Variants in TMX1 observed in about 807,000 individuals in gnomAD.
The protein encoded by TMX1 is thioredoxin related transmembrane protein 1.
Under a neutral mutation model 36.6 loss-of-function variants are expected in TMX1, and 25 were observed. The observed-to-expected ratio is 0.68, with a 90% CI of 0.50 to 0.95. The LOEUF (loss-of-function observed/expected upper bound fraction) is 0.95, where lower values mean the gene tolerates loss of function less well. Ranked by LOEUF, TMX1 falls within the 40% of genes least tolerant of loss-of-function variation. TMX1 has a pLI of 0.00. For missense variants in TMX1, 347 were observed against 339.6 expected (o/e 1.02, Z -0.17); for synonymous variants, 133 against 118.0 (o/e 1.13, Z -0.82).
At chr14:51,241,362 T>G (rs2065760001) in intron 1 of TMX1, among the ~76,000 whole-genome samples, 1 of 152,206 alleles carries the variant, frequency 6.6e-6, no homozygotes, top group African/African-American at 2.4e-5. Context: ...AGCATAATTA[T>G]TAACAGTGTA....
intron 2 of TMX1, 130 bp downstream of exon 2, chr14:51,244,101 T>TA (rs2065774874): frequency 1.5e-6 from 1 of 687,388 alleles, no homozygotes; most frequent in Non-Finnish European, 2.2e-6. Flanking sequence ...TGCAGCTAGT[T>TA]AACCTGACTT....
intron 3 of TMX1, chr14:51,245,991 CA>C: frequency 6.5e-6 from 1 of 154,998 alleles, no homozygotes; most frequent in South Asian, 2.0e-4. Context: ...ACCCCAACAT[CA>C]TGTAGCTGGT....
At chr14:51,254,275 C>T in intron 7 of TMX1, 66 bp from the exon 8 acceptor site, 1 of 1,441,194 alleles carries the variant, frequency 6.9e-7, no homozygotes, top group South Asian at 1.6e-5. Context: ...GACATTGTAT[C>T]TTGATTTTAC....
At chr14:51,246,143 T>C (rs2065784583) in intron 3 of TMX1, among the ~76,000 whole-genome samples, 1 of 152,166 alleles carries the variant, frequency 6.6e-6, no homozygotes, top group Admixed American at 6.5e-5. Flanking sequence ...TTCTGTTCGC[T>C]GTCTCCATAA....
At chr14:51,242,008 A>T (rs943929695) in intron 1 of TMX1, among the ~76,000 whole-genome samples, 22 of 152,332 alleles carry the variant, frequency 1.4e-4, no homozygotes, top group Admixed American at 1.0e-3. Context: ...ACGCGCCTGT[A>T]GTCCCAGCTA....
intron 7 of TMX1, among the ~76,000 whole-genome samples, chr14:51,250,255 C>T (rs1223006674): frequency 3.3e-5 from 5 of 152,136 alleles, no homozygotes; most frequent in Non-Finnish European, 5.9e-5. Context: ...ATTTACCAAT[C>T]TTGTAATTGT....
Position 51,257,527 on chromosome 14 carries a change from A to G in TMX1, c.*3008A>G, listed in dbSNP as rs544022809. The G allele has an allele frequency of 3.8e-4, 58 of 152,344 alleles. No individual in the cohort carries two copies. Among genetic ancestry groups the G allele is most frequent in the African/African-American group, 1.2e-3 (50 of 41,582 alleles). The allele number at this position is 152,344 out of a possible 1,614,324, so 9.4% of individuals were successfully genotyped here. A position where few individuals can be genotyped will look rare whatever the true frequency, so the allele number is the denominator to read the frequency against. ...TTGCTGAGTGTATGAGTCTATAAAT[A>G]AAATTTTAATTGAACATCATTGGAG... On this transcript the variant is annotated 3_prime_UTR_variant, in exon 8 of 8. Coordinates refer to ENST00000457354, the MANE Select transcript of TMX1 (RefSeq NM_030755.5).
At chr14:51,247,969 AAATT>A (rs776532535) in intron 4 of TMX1, among the ~76,000 whole-genome samples, 3 of 152,220 alleles carry the variant, frequency 2.0e-5, no homozygotes, top group Non-Finnish European at 4.4e-5. Context: ...GATACCAACT[AAATT>A]AATTACATAA....
Position 51,240,258 on chromosome 14 carries a change from C to A in TMX1, c.-35C>A, listed in dbSNP as rs779772096. 5.6e-6 allele frequency: 9 copies of A among 1,600,292 alleles called. No homozygotes were observed. In the South Asian group the frequency reaches 9.9e-5, roughly 18 times the overall value. On this transcript the variant is annotated 5_prime_UTR_variant, in exon 1 of 8. Coordinates refer to ENST00000457354, the MANE Select transcript of TMX1 (RefSeq NM_030755.5). ...CCCGCGAGGGCGGAAGTGGGAGCTG[C>A]GACCGCGCTCCCTGTGAGGTGGGCA... is the stretch of plus-strand genomic sequence containing the variant.
intron 7 of TMX1, among the ~76,000 whole-genome samples, chr14:51,250,802 C>T (rs1359391037): frequency 6.6e-6 from 1 of 152,016 alleles, no homozygotes; most frequent in East Asian, 1.9e-4. Context: ...TGATGTCTTT[C>T]TTAACTTAGC....
intron 3 of TMX1, among the ~76,000 whole-genome samples, chr14:51,246,792 C>T (rs2065787714): frequency 6.6e-6 from 1 of 152,144 alleles, no homozygotes; most frequent in Non-Finnish European, 1.5e-5. Context: ...GTGTATTACA[C>T]ATAAGGCTTA....
In TMX1 at chr14:51,256,210, C is replaced by G. The variant is rs1415903990; in HGVS notation, c.*1691C>G. The G allele has an allele frequency of 6.6e-6, 1 of 151,738 alleles. No individual in the cohort carries two copies. Among genetic ancestry groups the G allele is most frequent in the African/African-American group, 2.4e-5 (1 of 41,234 alleles). The allele number at this position is 151,738 out of a possible 1,614,324, so 9.4% of individuals were successfully genotyped here. On this transcript the variant is annotated 3_prime_UTR_variant, in exon 8 of 8. Coordinates refer to ENST00000457354, the MANE Select transcript of TMX1 (RefSeq NM_030755.5). ...TGAGATGTTTAAGGACAGTAATGCT[C>G]ATTAATCAAGCATTTTTTTTTTTTA...
At chr14:51,249,292 T>TA (rs2065800359) in intron 4 of TMX1, 34 bp from the exon 5 acceptor site, 2 of 1,544,764 alleles carry the variant, frequency 1.3e-6, no homozygotes, top group East Asian at 4.5e-5. Flanking sequence ...CTGTGTATGT[T>TA]ACTCAGTTTT....
chr14:51,247,854 A>C (rs1383628857), intron 4 of TMX1, among the ~76,000 whole-genome samples: 1 of 152,142 alleles, frequency 6.6e-6, no homozygotes, highest in Non-Finnish European at 1.5e-5. Flanking sequence ...CTATCACTCG[A>C]GTGTAATAAT....
intron 3 of TMX1, among the ~76,000 whole-genome samples, 155 bp from the exon 4 acceptor site, chr14:51,246,937 A>T (rs1034923090): frequency 3.9e-5 from 6 of 152,118 alleles, no homozygotes; most frequent in African/African-American, 1.5e-4. Context: ...CTAAAATGTC[A>T]TGAGTAGGTA....
At chr14:51,243,336 T>G (rs983179027) in intron 1 of TMX1, among the ~76,000 whole-genome samples, 4 of 152,204 alleles carry the variant, frequency 2.6e-5, no homozygotes, top group Non-Finnish European at 5.9e-5. Flanking sequence ...AAAATGCAGC[T>G]CTCCATCTTC....
At chr14:51,251,914 T>G (rs989207864) in intron 7 of TMX1, among the ~76,000 whole-genome samples, 1 of 152,058 alleles carries the variant, frequency 6.6e-6, no homozygotes, top group African/African-American at 2.4e-5. Context: ...AATGGGAAAA[T>G]CTATAGGCCC....
chr14:51,249,427 A>C, intron 5 of TMX1, 41 bp from the exon 6 acceptor site: 1 of 1,587,276 alleles, frequency 6.3e-7, no homozygotes, highest in Non-Finnish European at 8.5e-7. Context: ...CTTTAACAAA[A>C]ATGAACAGAT....
Position 51,257,111 on chromosome 14 carries a change from GC to G in TMX1, c.*2595del, listed in dbSNP as rs1312340479. 6.6e-6 allele frequency: 1 copy of G among 151,986 alleles called. No homozygotes were observed. Among genetic ancestry groups the G allele is most frequent in the Non-Finnish European group, 1.5e-5 (1 of 68,016 alleles). 9.4% of individuals were successfully genotyped at this position (151,986 alleles called of 1,614,324 possible). On this transcript the variant is annotated 3_prime_UTR_variant, in exon 8 of 8. Coordinates refer to ENST00000457354, the MANE Select transcript of TMX1 (RefSeq NM_030755.5). ...TGGGATTACAGGCATGTGCCACCAT[GC>G]CCGGCTATTATTTTGGTCTTAAAAT...
Sources: gnomAD v4.1 joint callset for allele counts (sites outside exome capture counted in the v4.1 genomes callset) on GRCh38, gnomAD v4.1.1 for gene constraint, MANE v1.5 for transcripts, NCBI Gene and HGNC (gene_info 2026-07-23, HGNC 2026-07-21) for gene names.